GALNT10: variants seen among roughly 807,000 people sequenced by gnomAD.
GALNT10 encodes the protein polypeptide N-acetylgalactosaminyltransferase 10, also known as GalNAc transferase 10.
GALNT10 carries 41 observed loss-of-function variants against 75.0 expected under a neutral mutation model. The ratio of observed to expected loss-of-function variants is 0.55; its 90% CI spans 0.43 to 0.71. The LOEUF is 0.71. GALNT10 is among the 30% of genes least tolerant of loss of function. The pLI is 0.00. For synonymous variants in GALNT10, 302 were observed against 313.0 expected, an observed-to-expected ratio of 0.96 and a Z score of 0.37; for missense variants, 727 against 818.5, an observed-to-expected ratio of 0.89 and a Z score of 1.36.
intron 4 of GALNT10, among the ~76,000 whole-genome samples, chr5:154,354,035 A>G (rs1041611274): frequency 6.6e-6 from 1 of 152,210 alleles, no homozygotes; most frequent in Non-Finnish European, 1.5e-5. Context: ...GAGTACTTGA[A>G]TCGCAACCCA....
At chr5:154,285,763 C>T (rs556695677) in intron 1 of GALNT10, among the ~76,000 whole-genome samples, 1 of 152,156 alleles carries the variant, frequency 6.6e-6, no homozygotes, top group African/African-American at 2.4e-5. Flanking sequence ...CCAAATGCAA[C>T]CTGATCTTAT....
chr5:154,270,936 G>A (rs753051405), intron 1 of GALNT10, among the ~76,000 whole-genome samples: 8 of 148,460 alleles, frequency 5.4e-5, no homozygotes, highest in South Asian at 4.3e-4. Context: ...AGAGGTTGTC[G>A]TGAGCCGAGA....
chr5:154,248,041 A>C (rs557934092), intron 1 of GALNT10, among the ~76,000 whole-genome samples: 3 of 152,204 alleles, frequency 2.0e-5, no homozygotes, highest in Admixed American at 6.5e-5. Context: ...AATTTTGTCA[A>C]AGGCCTTTTC....
intron 1 of GALNT10, among the ~76,000 whole-genome samples, chr5:154,195,220 C>A (rs1442919925): frequency 6.6e-6 from 1 of 152,240 alleles, no homozygotes; most frequent in East Asian, 1.9e-4. Context: ...CACCTTGAGG[C>A]AAACCTGGCA....
intron 1 of GALNT10, among the ~76,000 whole-genome samples, chr5:154,254,755 A>T (rs1753581506): frequency 6.6e-6 from 1 of 152,170 alleles, no homozygotes; most frequent in African/African-American, 2.4e-5. Context: ...ATAAATTAGC[A>T]TACTTTTGGC....
chr5:154,315,438 T>A (rs1236976674), intron 3 of GALNT10, among the ~76,000 whole-genome samples: 1 of 152,216 alleles, frequency 6.6e-6, no homozygotes, highest in Non-Finnish European at 1.5e-5. Flanking sequence ...TCTCTTATGA[T>A]CTCCTCAGCA....
At chr5:154,295,863 G>A (rs565498793) in intron 2 of GALNT10, among the ~76,000 whole-genome samples, 1 of 152,254 alleles carries the variant, frequency 6.6e-6, no homozygotes, top group South Asian at 2.1e-4. Flanking sequence ...ATACTAGAAA[G>A]CACTGTAGAA....
At chr5:154,313,653 G>A (rs926619586) in intron 3 of GALNT10, among the ~76,000 whole-genome samples, 23 of 152,334 alleles carry the variant, frequency 1.5e-4, no homozygotes, top group Non-Finnish European at 2.9e-4. Flanking sequence ...CTTGGCACAC[G>A]TTGTCAAGTA....
intron 3 of GALNT10, among the ~76,000 whole-genome samples, chr5:154,324,593 T>C (rs898240772): frequency 6.6e-5 from 10 of 152,182 alleles, no homozygotes; most frequent in African/African-American, 1.4e-4. Context: ...CTACCAGTTA[T>C]GGATGTGAAT....
At chr5:154,371,616 A>AGG (rs2113167475) in intron 4 of GALNT10, among the ~76,000 whole-genome samples, 1 of 127,146 alleles carries the variant, frequency 7.9e-6, no homozygotes, top group East Asian at 2.2e-4. Context: ...ATGTAGAGAG[A>AGG]GGACTGTGGG....
At chr5:154,306,830 A>G (rs1391577404) in intron 3 of GALNT10, among the ~76,000 whole-genome samples, 1 of 152,250 alleles carries the variant, frequency 6.6e-6, no homozygotes, top group East Asian at 1.9e-4. Context: ...TAATACAGAT[A>G]GACAGAAAAT....
At chr5:154,292,696 A>C (rs1189587305) in intron 1 of GALNT10, among the ~76,000 whole-genome samples, 1 of 152,116 alleles carries the variant, frequency 6.6e-6, no homozygotes, top group East Asian at 1.9e-4. Flanking sequence ...TTGTGTAGGA[A>C]ATTTGATATC....
At position 154,219,838 on chromosome 5, in the gene GALNT10, TCACA is replaced by T. The variant is rs553301418; in HGVS notation, c.159+28839_159+28842del. ...CTCTCTCTCTCTCTCTCTCTCTCTC[TCACA>T]CACACACACACACACACACACACAC... On this transcript the variant is annotated intron_variant, in intron 1 of 11. Coordinates refer to ENST00000297107, the MANE Select transcript of GALNT10 (RefSeq NM_198321.4). Among the ~76,000 whole-genome samples the T allele has an allele frequency of 1.7e-3, 209 of 125,660 alleles. 1 individual carries two copies. Among genetic ancestry groups the T allele is most frequent in the South Asian group, 4.0e-3 (15 of 3,724 alleles). The allele number at this position is 125,660 out of a possible 152,430, so 82.4% of individuals were successfully genotyped here.
intron 1 of GALNT10, among the ~76,000 whole-genome samples, chr5:154,248,602 A>G (rs1038987984): frequency 1.3e-5 from 2 of 152,202 alleles, no homozygotes; most frequent in African/African-American, 4.8e-5. Context: ...TTGCATAGAG[A>G]TGTTTATAGT....
chr5:154,271,405 G>A (rs925306004), intron 1 of GALNT10, among the ~76,000 whole-genome samples: 13 of 152,152 alleles, frequency 8.5e-5, no homozygotes, highest in African/African-American at 3.1e-4. Flanking sequence ...GGGAGAGGTT[G>A]CAGTGAGCCG....
intron 1 of GALNT10, among the ~76,000 whole-genome samples, chr5:154,192,508 TCA>T (rs1774873233): frequency 6.6e-6 from 1 of 152,260 alleles, no homozygotes; most frequent in Admixed American, 6.5e-5. Context: ...GGTTCTGACC[TCA>T]GCTCTACCAC....
intron 6 of GALNT10, among the ~76,000 whole-genome samples, chr5:154,382,311 G>T (rs1339794109): frequency 2.6e-5 from 4 of 152,220 alleles, no homozygotes; most frequent in African/African-American, 7.2e-5. Flanking sequence ...TCCAGCAGCA[G>T]GTCAAACATT....
chr5:154,344,201 CTTTCTTTCTTTTT>C (rs1341699419), intron 4 of GALNT10, among the ~76,000 whole-genome samples: 1 of 85,934 alleles, frequency 1.2e-5, no homozygotes, highest in African/African-American at 3.4e-5. Context: ...TTCTTTCTTT[CTTTCTTTCTTTTT>C]TTTTTTTTTT....
At chr5:154,201,517 C>T (rs1775028250) in intron 1 of GALNT10, among the ~76,000 whole-genome samples, 1 of 152,144 alleles carries the variant, frequency 6.6e-6, no homozygotes, top group South Asian at 2.1e-4. Context: ...AACCATTTGC[C>T]TTGCTTCTGT....
Sources: gnomAD v4.1 joint callset for allele counts (sites outside exome capture counted in the v4.1 genomes callset) on GRCh38, gnomAD v4.1.1 for gene constraint, MANE v1.5 for transcripts, NCBI Gene and HGNC (gene_info 2026-07-23, HGNC 2026-07-21) for gene names.